SNTG1: variants seen among roughly 807,000 people sequenced by gnomAD.
SNTG1 encodes the protein syntrophin gamma 1.
SNTG1 carries 39 observed loss-of-function variants against 74.7 expected under a neutral mutation model. The ratio of observed to expected loss-of-function variants is 0.52; its 90% CI spans 0.40 to 0.68. The LOEUF (loss-of-function observed/expected upper bound fraction) is 0.68, where lower values mean the gene tolerates loss of function less well. Ranked by LOEUF, SNTG1 falls within the 30% of genes least tolerant of loss-of-function variation. The probability of loss-of-function intolerance (pLI) is 0.00; values close to 1 mark genes in which losing one functional copy is unlikely to be tolerated. For missense variants in SNTG1, 685 were observed against 609.5 expected (o/e 1.12, Z -1.30); for synonymous variants, 254 against 217.1 (o/e 1.17, Z -1.49).
intron 8 of SNTG1, among the ~76,000 whole-genome samples, chr8:50,454,202 CA>C (rs2093481606): frequency 6.6e-6 from 1 of 152,144 alleles, no homozygotes; most frequent in African/African-American, 2.4e-5. Context: ...GATCACATAT[CA>C]AGAATTATCT....
Position 49,994,421 on chromosome 8 carries a change from A to ATT in SNTG1, c.-103+82204_-103+82205dup, listed in dbSNP as rs35821274. On this transcript the variant is annotated intron_variant, in intron 1 of 18. Coordinates refer to ENST00000642720, the MANE Select transcript of SNTG1 (RefSeq NM_018967.5). Reference sequence around the variant, plus strand: ...CAGGCACCCGCCACCATGCCCGGCTATTTTTTTTTTTTTTTGTATTTTTAG... The same window carrying ATT: ...CAGGCACCCGCCACCATGCCCGGCTATTTTTTTTTTTTTTTTTGTATTTTTAG... Among the ~76,000 whole-genome samples, 1,162 of 135,090 alleles carry ATT rather than the reference A, an allele frequency of 8.6e-3. 9 individuals are homozygous for ATT. Among genetic ancestry groups the ATT allele is most frequent in the East Asian group, 0.049 (223 of 4,586 alleles). The allele number at this position is 135,090 out of a possible 152,430, so 88.6% of individuals were successfully genotyped here.
chr8:50,631,302 T>G (rs1005345133), intron 13 of SNTG1, among the ~76,000 whole-genome samples: 1 of 152,162 alleles, frequency 6.6e-6, no homozygotes, highest in African/African-American at 2.4e-5. Context: ...CACAGCACCA[T>G]AAATGGGAAC....
At chr8:50,335,779 A>G (rs1167905256) in intron 2 of SNTG1, among the ~76,000 whole-genome samples, 1 of 151,940 alleles carries the variant, frequency 6.6e-6, no homozygotes, top group African/African-American at 2.4e-5. Context: ...AATGCCAGCT[A>G]AGTCATAGCC....
intron 2 of SNTG1, among the ~76,000 whole-genome samples, chr8:50,208,940 T>C (rs1006087092): frequency 6.6e-6 from 1 of 152,062 alleles, no homozygotes; most frequent in African/African-American, 2.4e-5. Flanking sequence ...GGGCATCGCC[T>C]CACCTGGGAA....
chr8:50,085,973 G>A (rs1822846384), intron 1 of SNTG1, among the ~76,000 whole-genome samples: 1 of 151,978 alleles, frequency 6.6e-6, no homozygotes. Flanking sequence ...AGCACAATGA[G>A]GATTTACTTT....
intron 1 of SNTG1, among the ~76,000 whole-genome samples, chr8:49,998,966 A>C (rs1485021787): frequency 6.6e-6 from 1 of 152,160 alleles, no homozygotes; most frequent in Non-Finnish European, 1.5e-5. Flanking sequence ...ACAGTCTATA[A>C]AATGGATTTG....
rs116935480 is a variant in SNTG1, at chr8:50,075,634, G to C, written c.-102-96927G>C. On this transcript the variant is annotated intron_variant, in intron 1 of 18. Coordinates refer to ENST00000642720, the MANE Select transcript of SNTG1 (RefSeq NM_018967.5). ...CAACACGTTGGGGCCTGCTTCCTAC[G>C]CTGTGGAGCTTTGTTCTTTCAGTAA... is the stretch of plus-strand genomic sequence containing the variant. Among the ~76,000 whole-genome samples, 459 of 152,258 alleles carry C rather than the reference G, an allele frequency of 3.0e-3. 1 individual carries two copies. The highest frequency in any genetic ancestry group is 4.8e-3 in the Non-Finnish European group (327 of 68,010).
chr8:50,238,877 C>T (rs961829642), intron 2 of SNTG1, among the ~76,000 whole-genome samples: 1 of 151,986 alleles, frequency 6.6e-6, no homozygotes, highest in Non-Finnish European at 1.5e-5. Context: ...ACATGAACAA[C>T]AAGCATATAA....
intron 18 of SNTG1, among the ~76,000 whole-genome samples, chr8:50,763,516 CTTTTA>C (rs1183778995): frequency 6.6e-6 from 1 of 151,428 alleles, no homozygotes; most frequent in Non-Finnish European, 1.5e-5. Flanking sequence ...TCTGGCCTCT[CTTTTA>C]TTTTATTGGT....
At chr8:49,931,520 C>G (rs1411946746) in intron 1 of SNTG1, among the ~76,000 whole-genome samples, 1 of 152,144 alleles carries the variant, frequency 6.6e-6, no homozygotes, top group African/African-American at 2.4e-5. Context: ...TATACCCATG[C>G]AGCAAACCTG....
chr8:50,071,729 C>T (rs990510636), intron 1 of SNTG1, among the ~76,000 whole-genome samples: 5 of 151,418 alleles, frequency 3.3e-5, no homozygotes, highest in Non-Finnish European at 4.4e-5. Flanking sequence ...CCGCCTGCCT[C>T]GGCCTCCCAA....
At chr8:50,667,420 G>A (rs1236806530) in intron 15 of SNTG1, among the ~76,000 whole-genome samples, 2 of 152,016 alleles carry the variant, frequency 1.3e-5, no homozygotes, top group Non-Finnish European at 2.9e-5. Flanking sequence ...TCATGGGTCT[G>A]GAGACTGTGA....
intron 1 of SNTG1, among the ~76,000 whole-genome samples, chr8:50,140,557 C>T (rs2081621512): frequency 6.6e-6 from 1 of 151,816 alleles, no homozygotes; most frequent in Non-Finnish European, 1.5e-5. Flanking sequence ...TGAGAATGTT[C>T]ATGTTAGTGT....
intron 1 of SNTG1, among the ~76,000 whole-genome samples, chr8:49,924,284 G>C (rs1261687567): frequency 6.6e-6 from 1 of 151,894 alleles, no homozygotes. Context: ...GTACTTTATA[G>C]AGGAAAAAAA....
chr8:50,533,605 T>C (rs1399583691), intron 10 of SNTG1, among the ~76,000 whole-genome samples: 1 of 152,212 alleles, frequency 6.6e-6, no homozygotes, highest in Admixed American at 6.5e-5. Context: ...TAAATTTATA[T>C]TCTATTTACA....
chr8:50,326,537 G>A (rs971743458), intron 2 of SNTG1, among the ~76,000 whole-genome samples: 3 of 151,306 alleles, frequency 2.0e-5, no homozygotes, highest in Non-Finnish European at 4.4e-5. Context: ...CTATACTTAT[G>A]TCTCCTCTTT....
At chr8:50,299,459 CAA>C (rs1365925479) in intron 2 of SNTG1, among the ~76,000 whole-genome samples, 1 of 151,984 alleles carries the variant, frequency 6.6e-6, no homozygotes, top group Non-Finnish European at 1.5e-5. Flanking sequence ...TGGAATCTTA[CAA>C]AGTTTTCAAA....
At chr8:50,675,442 G>A (rs1052077016) in intron 15 of SNTG1, among the ~76,000 whole-genome samples, 5 of 151,400 alleles carry the variant, frequency 3.3e-5, no homozygotes, top group Non-Finnish European at 7.4e-5. Flanking sequence ...TTAAATCTTT[G>A]TTGGTTTAAA....
chr8:50,555,874 T>C (rs1383712724), intron 12 of SNTG1, among the ~76,000 whole-genome samples: 1 of 152,112 alleles, frequency 6.6e-6, no homozygotes, highest in Non-Finnish European at 1.5e-5. Flanking sequence ...TAAAGCTAGT[T>C]GGAGAACAGA....
Sources: gnomAD v4.1 joint callset for allele counts (sites outside exome capture counted in the v4.1 genomes callset) on GRCh38, gnomAD v4.1.1 for gene constraint, MANE v1.5 for transcripts, NCBI Gene and HGNC (gene_info 2026-07-23, HGNC 2026-07-21) for gene names.